The following MGAT4C variants were observed in gnomAD, a reference collection of about 807,000 sequenced individuals.
The protein encoded by MGAT4C is MGAT4 family member C.
MGAT4C carries 19 observed loss-of-function variants against 40.1 expected under a neutral mutation model. That is an observed-to-expected ratio of 0.47 (90% CI 0.33 to 0.70). MGAT4C has a LOEUF of 0.70. MGAT4C is among the 30% of genes least tolerant of loss of function. The pLI is 0.02. For missense variants in MGAT4C, 491 were observed against 563.2 expected (o/e 0.87, Z 1.30); for synonymous variants, 181 against 187.1 (o/e 0.97, Z 0.27).
Position 86,662,301 on chromosome 12 carries a change from T to C in MGAT4C, c.-229+64908A>G, listed in dbSNP as rs1375564883. On this transcript the variant is annotated intron_variant, in intron 2 of 7. Coordinates refer to the MGAT4C transcript ENST00000548651. ...GGAAAAAAGAATTAAAACTTGAATTTAAAAATCTAAAATCTTAGCACATAG... is the reference window on the plus strand; with the variant it reads ...GGAAAAAAGAATTAAAACTTGAATTCAAAAATCTAAAATCTTAGCACATAG... 2.0e-5 allele frequency among the ~76,000 whole-genome samples: 3 copies of C among 152,222 alleles called. No individual in the cohort carries two copies. In the East Asian group the frequency reaches 5.8e-4, roughly 29 times the overall value.
chr12:86,533,960 T>TCTTG (rs2136376082), intron 2 of MGAT4C, among the ~76,000 whole-genome samples: 1 of 152,218 alleles, frequency 6.6e-6, no homozygotes, highest in Admixed American at 6.6e-5. Context: ...CCAATTTCAT[T>TCTTG]CTTGAATAGT....
At chr12:86,161,208 C>A (rs150673952) in intron 1 of MGAT4C, among the ~76,000 whole-genome samples, 45 of 152,060 alleles carry the variant, frequency 3.0e-4, no homozygotes, top group African/African-American at 1.1e-3. Flanking sequence ...CAAAGCAATC[C>A]TAAGAAAAAG....
At chr12:86,217,333 G>T (rs1054117956) in intron 1 of MGAT4C, among the ~76,000 whole-genome samples, 2 of 152,034 alleles carry the variant, frequency 1.3e-5, no homozygotes, top group East Asian at 1.9e-4. Context: ...TGCCACTACT[G>T]CCCGGGTAAT....
At chr12:86,410,469 A>C (rs749038101) in intron 3 of MGAT4C, among the ~76,000 whole-genome samples, 1 of 152,118 alleles carries the variant, frequency 6.6e-6, no homozygotes, top group African/African-American at 2.4e-5. Context: ...AATAAGAAAA[A>C]ATATGGCTCT....
chr12:86,564,136 T>C (rs979848716), intron 2 of MGAT4C, among the ~76,000 whole-genome samples: 2 of 152,200 alleles, frequency 1.3e-5, no homozygotes, highest in Non-Finnish European at 2.9e-5. Context: ...ACTCTCCTAT[T>C]TGGCCTGTGC....
chr12:86,151,601 G>GAA (rs200842104), intron 1 of MGAT4C, among the ~76,000 whole-genome samples: 6 of 141,902 alleles, frequency 4.2e-5, no homozygotes, highest in African/African-American at 7.6e-5. Context: ...GTCTCAAAAA[G>GAA]AAAAAAAAAA....
intron 2 of MGAT4C, among the ~76,000 whole-genome samples, chr12:86,005,169 A>G: frequency 6.6e-6 from 1 of 152,034 alleles, no homozygotes; most frequent in East Asian, 1.9e-4. Flanking sequence ...TAAAACCTTT[A>G]TTTTCTCAAA....
chr12:86,115,845 T>C (rs573062180), intron 1 of MGAT4C, among the ~76,000 whole-genome samples: 2 of 152,190 alleles, frequency 1.3e-5, no homozygotes, highest in South Asian at 4.1e-4. Context: ...TAGGATTTAA[T>C]GAACAAGGCA....
intron 2 of MGAT4C, among the ~76,000 whole-genome samples, chr12:86,693,473 T>C (rs1324993413): frequency 2.6e-5 from 4 of 152,182 alleles, no homozygotes; most frequent in South Asian, 2.1e-4. Context: ...TTAATTCTGA[T>C]ATTTTTGATA....
At chr12:86,708,377 G>A (rs1396584032) in intron 2 of MGAT4C, among the ~76,000 whole-genome samples, 9 of 152,230 alleles carry the variant, frequency 5.9e-5, no homozygotes. Flanking sequence ...AATGCCTGGG[G>A]GTCCAGACAG....
intron 2 of MGAT4C, among the ~76,000 whole-genome samples, chr12:86,708,082 T>C (rs1215743305): frequency 6.6e-6 from 1 of 152,192 alleles, no homozygotes; most frequent in Non-Finnish European, 1.5e-5. Context: ...TCAGAGGTCT[T>C]CACAGAAGCC....
intron 2 of MGAT4C, among the ~76,000 whole-genome samples, chr12:86,669,819 GC>G (rs1964208465): frequency 6.6e-6 from 1 of 152,166 alleles, no homozygotes; most frequent in Non-Finnish European, 1.5e-5. Flanking sequence ...TCAAGAATAT[GC>G]CCAGCCATGT....
chr12:86,758,223 C>G (rs538540319), intron 1 of MGAT4C, among the ~76,000 whole-genome samples: 1 of 152,064 alleles, frequency 6.6e-6, no homozygotes, highest in Admixed American at 6.6e-5. Context: ...TGCTATAAAA[C>G]TTTGCAATCA....
At chr12:86,571,067 G>A (rs945861641) in intron 2 of MGAT4C, among the ~76,000 whole-genome samples, 12 of 152,108 alleles carry the variant, frequency 7.9e-5, no homozygotes, top group African/African-American at 2.4e-4. Context: ...CACCCACCTC[G>A]GCTTCCCAAA....
At chr12:86,789,862 C>T (rs188463064) in intron 1 of MGAT4C, among the ~76,000 whole-genome samples, 2 of 152,210 alleles carry the variant, frequency 1.3e-5, no homozygotes, top group Admixed American at 6.5e-5. Flanking sequence ...TTACTATCTA[C>T]ATTATATTGA....
intron 2 of MGAT4C, among the ~76,000 whole-genome samples, chr12:86,697,474 TG>T (rs2136608161): frequency 6.6e-6 from 1 of 151,850 alleles, no homozygotes; most frequent in South Asian, 2.1e-4. Flanking sequence ...AAGATTTCCA[TG>T]ACAAAAAAAA....
chr12:86,343,623 C>T (rs1018012657), intron 3 of MGAT4C, among the ~76,000 whole-genome samples: 7 of 151,930 alleles, frequency 4.6e-5, no homozygotes, highest in Non-Finnish European at 1.0e-4. Context: ...TGTGTAAAAC[C>T]GAAAGACAAA....
rs1883865059 is a variant in MGAT4C, at chr12:85,974,938, A to C, written c.*4351T>G. On this transcript the variant is annotated 3_prime_UTR_variant, in exon 5 of 5. Coordinates refer to ENST00000611864, the MANE Select transcript of MGAT4C (RefSeq NM_001351288.2). The stretch of plus-strand genomic sequence containing the variant: ...CAGAGAACCGGATCCTGACATTAAA[A>C]AAAAAAAGTAAAAAGATTCTGAAGA... The C allele has an allele frequency of 6.6e-6, 1 of 150,700 alleles. No individual in the cohort carries two copies. Among genetic ancestry groups the C allele is most frequent in the Non-Finnish European group, 1.5e-5 (1 of 66,966 alleles). The allele number at this position is 150,700 out of a possible 1,614,324, so 9.3% of individuals were successfully genotyped here.
chr12:86,607,402 CAACAT>C (rs1216745658), intron 2 of MGAT4C, among the ~76,000 whole-genome samples: 18 of 152,112 alleles, frequency 1.2e-4, no homozygotes, highest in Admixed American at 1.0e-3. Flanking sequence ...AATGTACATA[CAACAT>C]AACAGAATTA....
Sources: allele counts gnomAD v4.1 joint callset (sites outside exome capture counted in the v4.1 genomes callset), GRCh38; gene constraint gnomAD v4.1.1; transcripts MANE v1.5; gene names NCBI Gene and HGNC (gene_info 2026-07-23, HGNC 2026-07-21).